Variants in ARID3B observed in about 807,000 individuals in gnomAD.
The protein encoded by ARID3B is AT-rich interaction domain 3B.
Under a neutral mutation model 51.9 loss-of-function variants are expected in ARID3B, and 10 were observed. The observed-to-expected ratio is 0.19, with a 90% CI of 0.12 to 0.33. The LOEUF is 0.33. Among genes scored for constraint, ARID3B ranks in the 10% least tolerant of loss-of-function variants. The pLI is 1.00. For synonymous variants in ARID3B, 205 were observed against 279.5 expected (o/e 0.73, Z 2.66); for missense variants, 483 against 716.3 (o/e 0.67, Z 3.72).
At chr15:74,585,110 C>T (rs1169048635) in intron 4 of ARID3B, among the ~76,000 whole-genome samples, 2 of 152,216 alleles carry the variant, frequency 1.3e-5, no homozygotes, top group Non-Finnish European at 2.9e-5. Flanking sequence ...TGACAGTCCA[C>T]AGGCTTCCCC....
chr15:74,557,661 C>T (rs1053428444), intron 2 of ARID3B, among the ~76,000 whole-genome samples: 4 of 151,992 alleles, frequency 2.6e-5, no homozygotes, highest in African/African-American at 9.7e-5. Flanking sequence ...CGCTTGAATA[C>T]TTAGAGGCCA....
At chr15:74,561,585 A>C (rs1287323736) in intron 2 of ARID3B, among the ~76,000 whole-genome samples, 1 of 152,252 alleles carries the variant, frequency 6.6e-6, no homozygotes, top group Non-Finnish European at 1.5e-5. Flanking sequence ...ATTGATTCCC[A>C]ACTCCACCAT....
chr15:74,578,505 AG>A (rs750476555), intron 4 of ARID3B, among the ~76,000 whole-genome samples: 34 of 152,094 alleles, frequency 2.2e-4, no homozygotes, highest in Non-Finnish European at 3.1e-4. Flanking sequence ...GGTGAGAACA[AG>A]GGCCCTTAGA....
Position 74,579,868 on chromosome 15 carries a change from T to C in ARID3B, c.697+6664T>C, listed in dbSNP as rs1451122830. ...GTGTGTGTGTGTGTGTGTGTGTGTG[T>C]GTGTGCGCGCGCGCGCACACGCAAA... is the stretch of plus-strand genomic sequence containing the variant. On this transcript the variant is annotated intron_variant, in intron 4 of 8. Transcript: ENST00000346246. Among the ~76,000 whole-genome samples, 534 of 125,112 alleles carry C rather than the reference T, an allele frequency of 4.3e-3. 1 individual carries two copies. The highest frequency in any genetic ancestry group is 7.3e-3 in the East Asian group (32 of 4,396). The allele number at this position is 125,112 out of a possible 152,430, so 82.1% of individuals were successfully genotyped here. A position where few individuals can be genotyped will look rare whatever the true frequency, so the allele number is the denominator to read the frequency against.
intron 1 of ARID3B, among the ~76,000 whole-genome samples, chr15:74,541,920 C>T (rs2061596875): frequency 6.6e-6 from 1 of 152,090 alleles, no homozygotes; most frequent in African/African-American, 2.4e-5. Context: ...CAAATGTAGG[C>T]AGGTGGCATT....
At chr15:74,570,383 ATTCCACCCTTTCCACCCAACTGAGTG>A (rs2061714687) in intron 2 of ARID3B, among the ~76,000 whole-genome samples, 2 of 137,078 alleles carry the variant, frequency 1.5e-5, no homozygotes, top group Admixed American at 1.7e-4. Context: ...TAGGTTGTGG[ATTCCACCCTTTCCACCCAACTGAGTG>A]TTAAATAGTT....
rs572772251 is a variant in ARID3B, at chr15:74,543,867, C to G, written c.-70C>G. The G allele has an allele frequency of 6.5e-7, 1 of 1,537,904 alleles. No homozygotes were observed. Among genetic ancestry groups the G allele is most frequent in the Non-Finnish European group, 8.8e-7 (1 of 1,138,820 alleles). ...TTTCTGTTAATCACTAAGGTTTAGA[C>G]CCAGTGTGCCTGGTGGGCTGTGCCC... On this transcript the variant is annotated 5_prime_UTR_variant, in exon 2 of 9. Coordinates refer to ENST00000346246, the MANE Select transcript of ARID3B (RefSeq NM_006465.4).
At chr15:74,585,038 T>A (rs927836255) in intron 4 of ARID3B, among the ~76,000 whole-genome samples, 1 of 152,246 alleles carries the variant, frequency 6.6e-6, no homozygotes, top group Non-Finnish European at 1.5e-5. Flanking sequence ...GGCCCTGGAT[T>A]CCTGTCAGAG....
At chr15:74,590,930 G>C (rs2061800409) in intron 5 of ARID3B, among the ~76,000 whole-genome samples, 1 of 152,210 alleles carries the variant, frequency 6.6e-6, no homozygotes, top group South Asian at 2.1e-4. Context: ...CTAATGAATG[G>C]TGCTTCAAAG....
At chr15:74,571,852 C>T (rs1227122291) in intron 2 of ARID3B, among the ~76,000 whole-genome samples, 2 of 152,132 alleles carry the variant, frequency 1.3e-5, no homozygotes, top group Non-Finnish European at 2.9e-5. Flanking sequence ...GCCTGTAATC[C>T]CAGCACTTTG....
chr15:74,573,293 C>T (rs1484600802), intron 4 of ARID3B, 89 bp downstream of exon 4: 3 of 1,380,190 alleles, frequency 2.2e-6, no homozygotes, highest in South Asian at 2.3e-5. Flanking sequence ...TCCTGGCCCA[C>T]TAATCCTCAT....
intron 2 of ARID3B, among the ~76,000 whole-genome samples, chr15:74,570,930 G>C (rs987224714): frequency 1.3e-5 from 2 of 152,078 alleles, no homozygotes; most frequent in African/African-American, 4.8e-5. Context: ...TGGCTCCCCT[G>C]TGCTGAAGGT....
intron 1 of ARID3B, among the ~76,000 whole-genome samples, chr15:74,542,027 T>C (rs907525175): frequency 6.6e-6 from 1 of 152,148 alleles, no homozygotes; most frequent in East Asian, 1.9e-4. Context: ...TCAGTCTTAC[T>C]ATAAGAGGCT....
intron 4 of ARID3B, among the ~76,000 whole-genome samples, chr15:74,579,827 CCGTG>C (rs1462169797): frequency 1.0e-5 from 1 of 100,232 alleles, no homozygotes; most frequent in African/African-American, 3.3e-5. Context: ...TCACCTGTTG[CCGTG>C]TGTGTGTGTG....
chr15:74,577,968 G>T (rs527961907), intron 4 of ARID3B, among the ~76,000 whole-genome samples: 1 of 151,730 alleles, frequency 6.6e-6, no homozygotes, highest in Non-Finnish European at 1.5e-5. Context: ...AGTGATTCTC[G>T]TGCCTCAGCC....
chr15:74,573,089 G>T, intron 3 of ARID3B, 43 bp from the exon 4 acceptor site: 1 of 1,609,824 alleles, frequency 6.2e-7, no homozygotes, highest in Non-Finnish European at 8.5e-7. Flanking sequence ...CAGCAAGATG[G>T]AATTTTTCAC....
intron 2 of ARID3B, among the ~76,000 whole-genome samples, chr15:74,561,133 T>C (rs2061678417): frequency 6.6e-6 from 1 of 152,200 alleles, no homozygotes; most frequent in African/African-American, 2.4e-5. Context: ...CAAGTAGGGG[T>C]TTAAAATTTT....
At chr15:74,589,608 G>C (rs886368655) in intron 4 of ARID3B, among the ~76,000 whole-genome samples, 1 of 152,212 alleles carries the variant, frequency 6.6e-6, no homozygotes, top group African/African-American at 2.4e-5. Flanking sequence ...AACCAGAGAG[G>C]CTAAGTGCTT....
intron 2 of ARID3B, among the ~76,000 whole-genome samples, chr15:74,557,782 T>C (rs2061664155): frequency 6.6e-6 from 1 of 151,772 alleles, no homozygotes; most frequent in African/African-American, 2.4e-5. Flanking sequence ...TCTGCTATTC[T>C]GCACTTTAAT....
Sources: allele counts gnomAD v4.1 joint callset (sites outside exome capture counted in the v4.1 genomes callset), GRCh38; gene constraint gnomAD v4.1.1; transcripts MANE v1.5; gene names NCBI Gene and HGNC (gene_info 2026-07-23, HGNC 2026-07-21).